ERC1: variants seen among roughly 807,000 people sequenced by gnomAD.
ERC1 encodes the protein RAB6 interacting protein 2.
Under a neutral mutation model 132.0 loss-of-function variants are expected in ERC1, and 56 were observed. That is an observed-to-expected ratio of 0.42 (90% confidence interval 0.34 to 0.53). The LOEUF is 0.53. Ranked by LOEUF, ERC1 falls within the 20% of genes least tolerant of loss-of-function variation. The pLI is 0.03. For synonymous variants in ERC1, 478 were observed against 476.1 expected (o/e 1.00, Z -0.05); for missense variants, 1,202 against 1,349.9 (o/e 0.89, Z 1.72).
intron 14 of ERC1, among the ~76,000 whole-genome samples, chr12:1,271,934 G>A (rs1257917819): frequency 1.3e-5 from 2 of 152,178 alleles, no homozygotes; most frequent in Non-Finnish European, 2.9e-5. Flanking sequence ...GAGGGAAGTC[G>A]AGTCTGAGAG....
At chr12:1,165,612 T>C (rs2968880) in intron 8 of ERC1, among the ~76,000 whole-genome samples, 65,966 of 152,012 alleles carry the variant, frequency 0.43, 16,045 homozygotes, top group African/African-American at 0.66. Flanking sequence ...GGATTACAGG[T>C]ATGAGCCACC....
chr12:1,032,749 C>T (rs1310350462), intron 2 of ERC1, among the ~76,000 whole-genome samples: 2 of 152,162 alleles, frequency 1.3e-5, no homozygotes, highest in Non-Finnish European at 2.9e-5. Context: ...CAGTACAATA[C>T]TGACTTTAGT....
intron 16 of ERC1, among the ~76,000 whole-genome samples, chr12:1,374,303 A>G (rs1394941403): frequency 6.6e-6 from 1 of 152,172 alleles, no homozygotes; most frequent in Non-Finnish European, 1.5e-5. Flanking sequence ...TGTCAGAAAG[A>G]GGTGAAGCAA....
chr12:1,475,967 T>TAAA (rs371095522), intron 18 of ERC1, among the ~76,000 whole-genome samples: 4 of 140,182 alleles, frequency 2.9e-5, no homozygotes, highest in Non-Finnish European at 6.2e-5. Flanking sequence ...GTCATCTCTT[T>TAAA]AAAAAAAAAA....
intron 1 of ERC1, among the ~76,000 whole-genome samples, chr12:1,007,493 T>TC (rs1963881849): frequency 4.4e-5 from 6 of 137,804 alleles, no homozygotes; most frequent in African/African-American, 1.6e-4. Flanking sequence ...TCTCTCTCTC[T>TC]TTCTCTCTCT....
At chr12:1,075,044 A>C (rs1329643684) in intron 2 of ERC1, among the ~76,000 whole-genome samples, 3 of 152,028 alleles carry the variant, frequency 2.0e-5, no homozygotes, top group Non-Finnish European at 2.9e-5. Flanking sequence ...TACAGGAAAT[A>C]AATCTCTGTC....
chr12:1,268,980 C>T (rs938000933), intron 14 of ERC1, among the ~76,000 whole-genome samples: 5 of 152,132 alleles, frequency 3.3e-5, no homozygotes, highest in African/African-American at 9.7e-5. Flanking sequence ...ACAGTCAGAT[C>T]ATGCTGAATG....
At chr12:1,120,455 T>C (rs1946952834) in intron 7 of ERC1, among the ~76,000 whole-genome samples, 1 of 152,210 alleles carries the variant, frequency 6.6e-6, no homozygotes, top group Non-Finnish European at 1.5e-5. Context: ...ATTGAGAATT[T>C]TGTGAACTGC....
chr12:1,043,882 C>A (rs1230088358), intron 2 of ERC1, among the ~76,000 whole-genome samples: 1 of 152,180 alleles, frequency 6.6e-6, no homozygotes, highest in Non-Finnish European at 1.5e-5. Flanking sequence ...TTTGCATAGT[C>A]TTTTGGTGTA....
intron 7 of ERC1, among the ~76,000 whole-genome samples, chr12:1,119,241 G>T (rs890374633): frequency 2.7e-5 from 4 of 147,530 alleles, no homozygotes; most frequent in African/African-American, 7.8e-5. Flanking sequence ...AGATCTGTTT[G>T]TTTTTTGTTT....
chr12:1,474,299 C>T (rs2093927508), intron 18 of ERC1, among the ~76,000 whole-genome samples: 1 of 152,192 alleles, frequency 6.6e-6, no homozygotes, highest in Admixed American at 6.5e-5. Context: ...TCCTGCCCTC[C>T]ACCAAACCAT....
intron 15 of ERC1, among the ~76,000 whole-genome samples, chr12:1,298,654 GAAC>G (rs1294161362): frequency 1.3e-5 from 2 of 150,488 alleles, no homozygotes; most frequent in Non-Finnish European, 3.0e-5. Context: ...GGCAGAAAAG[GAAC>G]AACAAATAAA....
chr12:1,403,998 A>C (rs1463328354), intron 16 of ERC1, among the ~76,000 whole-genome samples: 3 of 152,230 alleles, frequency 2.0e-5, no homozygotes, highest in Non-Finnish European at 4.4e-5. Flanking sequence ...AGACTTTGTC[A>C]TGAAATACCA....
intron 2 of ERC1, among the ~76,000 whole-genome samples, chr12:1,047,598 C>G (rs1249195557): frequency 1.3e-5 from 2 of 152,172 alleles, no homozygotes; most frequent in Non-Finnish European, 2.9e-5. Context: ...GTGACCACTT[C>G]TGATTTCTCA....
At chr12:1,176,016 T>C (rs1487107887) in intron 8 of ERC1, among the ~76,000 whole-genome samples, 2 of 152,222 alleles carry the variant, frequency 1.3e-5, no homozygotes, top group African/African-American at 2.4e-5. Context: ...TTAATGTTGA[T>C]ATTTTGACCT....
intron 16 of ERC1, among the ~76,000 whole-genome samples, chr12:1,388,927 A>AT (rs774235844): frequency 2.0e-5 from 3 of 152,206 alleles, no homozygotes; most frequent in Non-Finnish European, 4.4e-5. Flanking sequence ...TGCCGGCTCT[A>AT]TGAGGAAGCT....
At chr12:999,462 G>A (rs1961701397) in intron 1 of ERC1, among the ~76,000 whole-genome samples, 1 of 152,062 alleles carries the variant, frequency 6.6e-6, no homozygotes, top group Admixed American at 6.6e-5. Flanking sequence ...TGTGTGTGGT[G>A]TTCTTGATTT....
intron 12 of ERC1, among the ~76,000 whole-genome samples, chr12:1,228,775 T>G (rs903767025): frequency 5.3e-5 from 8 of 152,206 alleles, no homozygotes; most frequent in African/African-American, 1.9e-4. Context: ...CTTTTTCAGA[T>G]GATTGTGTGA....
chr12:1,265,399 G>C (rs547906503), intron 14 of ERC1, among the ~76,000 whole-genome samples: 1 of 152,014 alleles, frequency 6.6e-6, no homozygotes, highest in South Asian at 2.1e-4. Context: ...ATGCTTTAGG[G>C]GTATGTTTTA....
Sources: gnomAD v4.1 joint callset for allele counts (sites outside exome capture counted in the v4.1 genomes callset) on GRCh38, gnomAD v4.1.1 for gene constraint, MANE v1.5 for transcripts, NCBI Gene and HGNC (gene_info 2026-07-23, HGNC 2026-07-21) for gene names.